Variants in NSD1 observed in about 807,000 individuals in gnomAD.
NSD1 encodes the protein nuclear receptor binding SET domain protein 1.
In NSD1, 26 loss-of-function variants were observed where a neutral mutation model predicts 242.7. That is an observed-to-expected ratio of 0.11 (90% CI 0.08 to 0.15). The LOEUF is 0.15. NSD1 is among the 10% of genes least tolerant of loss of function. NSD1 has a pLI of 1.00. For missense variants in NSD1, 2,495 were observed against 3,272.8 expected (o/e 0.76, Z 5.80); for synonymous variants, 1,106 against 1,178.1 (o/e 0.94, Z 1.25).
chr5:177,266,374 G>C (rs1757464442), intron 14 of NSD1: 1 of 680,132 alleles, frequency 1.5e-6, no homozygotes, highest in Non-Finnish European at 2.8e-6. Context: ...GGCCTTGGCG[G>C]CGAACATGCA....
Position 177,210,213 on chromosome 5 carries a change from A to G in NSD1, c.1814A>G (p.Glu605Gly), listed in dbSNP as rs1210587929. The change falls in exon 5 of 23, where the codon GAG (glutamate) becomes GGG (glycine). Residue 605 changes from glutamate to glycine, a missense_variant. By Grantham distance (98) the Glu-to-Gly change is moderately conservative (BLOSUM62 -2). Coordinates refer to ENST00000439151, the MANE Select transcript of NSD1 (RefSeq NM_022455.5). The part of the protein sequence containing the change: ...EGALISKCSR[E>G]KNKPQRSLVC... ...GCTTTGATCTCAAAGTGTTCTCGAG[A>G]GAAGAATAAACCCCAACGAAGCCTG... The G allele has an allele frequency of 1.1e-5, 18 of 1,595,782 alleles. No homozygotes were observed. Among genetic ancestry groups the G allele is most frequent in the Non-Finnish European group, 7.7e-6 (9 of 1,171,914 alleles).
Position 177,292,024 on chromosome 5 carries a change from A to G in NSD1, c.6329A>G (p.Gln2110Arg), listed in dbSNP as rs754837409. 11 of 1,614,060 alleles carry G rather than the reference A, an allele frequency of 6.8e-6. No homozygotes were observed. The highest frequency in any genetic ancestry group is 1.1e-5 in the South Asian group (1 of 91,080). ...KKKQQGKRRTQGEITKEREDE... is the reference protein window; with the variant it reads ...KKKQQGKRRTRGEITKEREDE... ...AAGCAACAGGGAAAGCGCAGGACCC[A>G]GGGTGAAATCACAAAGGAGCGAGAA... Residue 2110 changes from glutamine (Q) to arginine (R), a missense_variant, in exon 22 of 23, where the codon CAG (glutamine) becomes CGG (arginine). Gln to Arg is a conservative substitution (Grantham distance 43). This residue lies in a region of NSD1 where 27 missense variants were observed against 33.4 expected (regional missense o/e 0.81). Coordinates refer to ENST00000439151, the MANE Select transcript of NSD1 (RefSeq NM_022455.5).
chr5:177,172,372 T>G (rs1759785176), intron 2 of NSD1, among the ~76,000 whole-genome samples: 1 of 152,162 alleles, frequency 6.6e-6, no homozygotes, highest in African/African-American at 2.4e-5. Context: ...TTAAAGTTAT[T>G]TCTTCAAAGA....
At chr5:177,247,793 T>A in intron 10 of NSD1, 1 of 479,264 alleles carries the variant, frequency 2.1e-6, no homozygotes, top group Non-Finnish European at 2.7e-6. Context: ...GCATCACACA[T>A]TATGATGCAG....
At chr5:177,285,009 TC>T (rs1412581246) in intron 20 of NSD1, among the ~76,000 whole-genome samples, 5 of 152,176 alleles carry the variant, frequency 3.3e-5, no homozygotes, top group Admixed American at 6.5e-5. Context: ...TTTGGAGAAT[TC>T]ACTGCTCTGT....
At chr5:177,146,833 G>A (rs58211722) in intron 2 of NSD1, among the ~76,000 whole-genome samples, 4 of 151,144 alleles carry the variant, frequency 2.6e-5, no homozygotes, top group Non-Finnish European at 5.9e-5. Context: ...GTGAAACCCC[G>A]TGTCTACTAA....
At chr5:177,292,951 G>C (rs1759958430) in intron 22 of NSD1, among the ~76,000 whole-genome samples, 1 of 151,974 alleles carries the variant, frequency 6.6e-6, no homozygotes, top group Non-Finnish European at 1.5e-5. Context: ...AGAACTTTAG[G>C]GTATAAGTAA....
chr5:177,146,258 T>C (rs996064390), intron 2 of NSD1, among the ~76,000 whole-genome samples: 8 of 143,418 alleles, frequency 5.6e-5, no homozygotes, highest in Non-Finnish European at 1.2e-4. Context: ...CAGGCTAGAG[T>C]GCAGTGGCTC....
In NSD1 at chr5:177,294,598, C is replaced by T. The variant is rs1760119372; in HGVS notation, c.7230C>T (p.Pro2410=). The change falls in exon 23 of 23, where the codon CCC becomes CCT. Residue 2410 remains proline, a synonymous_variant. Coordinates refer to ENST00000439151, the MANE Select transcript of NSD1 (RefSeq NM_022455.5). ...CTTCAGACAGGCCTACTGACAAACC[C>T]CATGCCTCTTTGTCCCAGAGACTCC... ...PQTSDRPTDK[P]HASLSQRLPP... 6.2e-7 allele frequency: 1 copy of T among 1,614,224 alleles called. No individual in the cohort carries two copies. The highest frequency in any genetic ancestry group is 8.5e-7 in the Non-Finnish European group (1 of 1,180,032).
At chr5:177,205,625 T>C (rs1343431151) in intron 4 of NSD1, among the ~76,000 whole-genome samples, 1 of 152,092 alleles carries the variant, frequency 6.6e-6, no homozygotes, top group Non-Finnish European at 1.5e-5. Flanking sequence ...AAACATCTCA[T>C]AATTATTTTC....
rs375896591 is a variant in NSD1 at position 177,289,815 on chromosome 5, T to G, written c.6258+890T>G. Among the ~76,000 whole-genome samples the G allele has an allele frequency of 3.3e-4, 50 of 151,052 alleles. No homozygotes were observed. The East Asian group carries it at 6.8e-3, about 20-fold the overall frequency. On this transcript the variant is annotated intron_variant, in intron 21 of 22. Coordinates refer to ENST00000439151, the MANE Select transcript of NSD1 (RefSeq NM_022455.5). ...CCATGTCTATATTCTCCTTATTTTT[T>G]TTGTTGTTGTTGTTTTGTGTTTTTT...
chr5:177,273,655 GCTGT>G lies in NSD1; in HGVS notation c.5510-12_5510-9del. 6.4e-7 allele frequency: 1 copy of G among 1,566,074 alleles called. No homozygotes were observed. The highest frequency in any genetic ancestry group is 8.8e-7 in the Non-Finnish European group (1 of 1,136,516). On this transcript the variant is annotated splice_polypyrimidine_tract_variant and intron_variant, in intron 16 of 22. Transcript: ENST00000439151. ...ACCCAGAGATTTTGAAGTGACTTGT[GCTGT>G]CTGTTTTCATAGCTCTTCAGGAAGC... is the stretch of plus-strand genomic sequence containing the variant.
At chr5:177,263,547 TA>T (rs2149923276) in intron 14 of NSD1, among the ~76,000 whole-genome samples, 1 of 152,356 alleles carries the variant, frequency 6.6e-6, no homozygotes, top group African/African-American at 2.4e-5. Context: ...TTTCTTGAAG[TA>T]AAACACCTTA....
intron 5 of NSD1, among the ~76,000 whole-genome samples, chr5:177,227,298 A>T (rs1026867155): frequency 6.6e-6 from 1 of 152,204 alleles, no homozygotes; most frequent in Admixed American, 6.5e-5. Context: ...TGACTATGAA[A>T]ATAATAATGC....
chr5:177,134,362 A>C lies in NSD1; in HGVS notation c.-18+410A>C, dbSNP rs1756120752. ...AGGTGCTGCCGCGGCTGCGGGAAGG[A>C]GCGCGGCCCGGGCAGGCGGCGGCGG... On this transcript the variant is annotated intron_variant, in intron 1 of 22. Coordinates refer to ENST00000439151, the MANE Select transcript of NSD1 (RefSeq NM_022455.5). This position sits in a 1 kb window ranked among gnomAD's most constrained non-coding sequence, Gnocchi z 4.2. The C allele has an allele frequency of 6.6e-6, 1 of 150,750 alleles. No homozygotes were observed. The allele number at this position is 150,750 out of a possible 1,614,324, so 9.3% of individuals were successfully genotyped here. A position where few individuals can be genotyped will look rare whatever the true frequency, so the allele number is the denominator to read the frequency against.
intron 21 of NSD1, 82 bp downstream of exon 21, chr5:177,289,007 A>G (rs1759560119): frequency 5.1e-6 from 5 of 989,462 alleles, no homozygotes; most frequent in Non-Finnish European, 4.9e-6. Context: ...CTACATTTTA[A>G]GAAGAAATCT....
intron 2 of NSD1, among the ~76,000 whole-genome samples, chr5:177,176,991 C>A (rs1227511891): frequency 6.6e-6 from 1 of 152,222 alleles, no homozygotes; most frequent in Non-Finnish European, 1.5e-5. Flanking sequence ...GATTCTGTTA[C>A]ATTATGTGTG....
rs867618343 is a variant in NSD1, at chr5:177,207,811, C to T, written c.1237-1825C>T. Reference sequence around the variant, plus strand: ...AGGCTGGAGTGCAGTGGCACGGTTTCGGCACACTGCAACTTTCACCTCCTG... The same window carrying T: ...AGGCTGGAGTGCAGTGGCACGGTTTTGGCACACTGCAACTTTCACCTCCTG... On this transcript the variant is annotated intron_variant, in intron 4 of 22. Transcript: ENST00000439151. Among the ~76,000 whole-genome samples, 6 of 151,752 alleles carry T rather than the reference C, an allele frequency of 4.0e-5. No homozygotes were observed. In the South Asian group the frequency reaches 6.2e-4, roughly 16 times the overall value.
chr5:177,177,989 G>T (rs1760346418), intron 2 of NSD1, among the ~76,000 whole-genome samples: 1 of 152,064 alleles, frequency 6.6e-6, no homozygotes, highest in African/African-American at 2.4e-5. Flanking sequence ...CCACCTTCCG[G>T]GTTCAAGTGA....
Sources: allele counts gnomAD v4.1 joint callset (sites outside exome capture counted in the v4.1 genomes callset), GRCh38; gene constraint gnomAD v4.1.1; regional missense constraint gnomAD v4.1.1; non-coding constraint Gnocchi (gnomAD v3.1); transcripts MANE v1.5; gene names NCBI Gene and HGNC (gene_info 2026-07-23, HGNC 2026-07-21).